PRKAR1A: variants seen among roughly 807,000 people sequenced by gnomAD.
PRKAR1A encodes protein kinase cAMP-dependent type I regulatory subunit alpha.
A neutral mutation model predicts 52.0 loss-of-function variants in PRKAR1A; 3 were observed. The ratio of observed to expected loss-of-function variants is 0.06; its 90% CI spans 0.03 to 0.15. The LOEUF (loss-of-function observed/expected upper bound fraction) is 0.15. Among genes scored for constraint, PRKAR1A ranks in the 10% least tolerant of loss-of-function variants. The pLI, the probability that PRKAR1A is intolerant of heterozygous loss-of-function variation, is 1.00. For missense variants in PRKAR1A, 240 were observed against 477.4 expected (o/e 0.50, Z 4.63); for synonymous variants, 188 against 168.4 (o/e 1.12, Z -0.90).
At chr17:68,489,886 G>T in the PRKAR1A span, among the ~76,000 whole-genome samples, 67,481 of 151,922 alleles carry the variant, frequency 0.44, 15,808 homozygotes, top group East Asian at 0.66. Flanking sequence ...AAAGAGGTGT[G>T]GGGTATTTAG....
At chr17:68,440,416 G>A in the PRKAR1A span, among the ~76,000 whole-genome samples, 1 of 152,186 alleles carries the variant, frequency 6.6e-6, no homozygotes. Flanking sequence ...GCCTTTTTAA[G>A]GAAGGATATG....
intron 11 of PRKAR1A, chr17:68,542,789 A>T: frequency 6.2e-7 from 1 of 1,614,070 alleles, no homozygotes; most frequent in Admixed American, 1.7e-5. Flanking sequence ...TGTTGGCGGC[A>T]CCCGTCGGAA....
At chr17:68,547,972 C>T (rs2086645748) in intron 11 of PRKAR1A, among the ~76,000 whole-genome samples, 1 of 152,206 alleles carries the variant, frequency 6.6e-6, no homozygotes, top group African/African-American at 2.4e-5. Flanking sequence ...CTCCTCCTTT[C>T]ATGTGAACAC....
chr17:68,452,791 C>T, the PRKAR1A span: 3 of 814,876 alleles, frequency 3.7e-6, no homozygotes, highest in East Asian at 5.2e-5. Context: ...ATCTTGACTC[C>T]CTAAGTTTGA....
chr17:68,465,625 A>ATTTTTTTT, the PRKAR1A span, among the ~76,000 whole-genome samples: 68 of 67,184 alleles, frequency 1.0e-3, 4 homozygotes, highest in East Asian at 0.01. Flanking sequence ...ACGCCCAGCA[A>ATTTTTTTT]TTTTTTTTTT....
chr17:68,420,101 T>G, the PRKAR1A span: 8 of 1,449,880 alleles, frequency 5.5e-6, no homozygotes, highest in Non-Finnish European at 5.6e-6. Flanking sequence ...TATGTTTGAA[T>G]TAATGTAGAA....
the PRKAR1A span, among the ~76,000 whole-genome samples, chr17:68,424,901 AC>A: frequency 1.3e-5 from 2 of 152,294 alleles, no homozygotes; most frequent in South Asian, 4.1e-4. Context: ...ACAAATCAGT[AC>A]TTCCATCTCG....
At chr17:68,457,957 G>A in the PRKAR1A span, among the ~76,000 whole-genome samples, 1 of 152,134 alleles carries the variant, frequency 6.6e-6, no homozygotes, top group African/African-American at 2.4e-5. Flanking sequence ...CGTCGGGGCC[G>A]CCGCAAGGGT....
chr17:68,524,350 C>T (rs533292820), intron 5 of PRKAR1A, among the ~76,000 whole-genome samples: 25 of 152,118 alleles, frequency 1.6e-4, no homozygotes, highest in Non-Finnish European at 3.4e-4. Context: ...TATAGAATTG[C>T]AGAATCATAT....
chr17:68,435,805 CCTT>C, the PRKAR1A span: 1 of 1,162,206 alleles, frequency 8.6e-7, no homozygotes, highest in African/African-American at 1.5e-5. Flanking sequence ...CTTTCTCCCT[CCTT>C]TGTCCAGCTC....
At chr17:68,432,628 T>C in the PRKAR1A span, among the ~76,000 whole-genome samples, 5 of 152,052 alleles carry the variant, frequency 3.3e-5, no homozygotes, top group Non-Finnish European at 5.9e-5. Flanking sequence ...CTGTTACGTA[T>C]GTGTTAGCAT....
At chr17:68,527,490 T>G in intron 7 of PRKAR1A, 1 of 268,326 alleles carries the variant, frequency 3.7e-6, no homozygotes, top group East Asian at 9.8e-5. Flanking sequence ...TGGACATTGG[T>G]TTAAAGTGTG....
chr17:68,427,127 C>T, the PRKAR1A span: 1 of 1,611,438 alleles, frequency 6.2e-7, no homozygotes, highest in Non-Finnish European at 8.5e-7. Context: ...GGCCCCGTGT[C>T]CACCCACCTG....
At chr17:68,507,269 C>T (rs902451293), upstream of PRKAR1A, among the ~76,000 whole-genome samples, 1 of 152,148 alleles carries the variant, frequency 6.6e-6, no homozygotes, top group Non-Finnish European at 1.5e-5. Context: ...CAATGATAGA[C>T]TGGATAAAGA....
At chr17:68,420,752 C>T in the PRKAR1A span, 1 of 420,892 alleles carries the variant, frequency 2.4e-6, no homozygotes, top group Admixed American at 4.1e-5. Flanking sequence ...AATTGTTTAA[C>T]CTAACCTGCA....
At position 68,532,236 on chromosome 17, in the gene PRKAR1A, A is replaced by G; in HGVS notation, c.*1787A>G. On this transcript the variant is annotated 3_prime_UTR_variant, in exon 11 of 11. Transcript: ENST00000589228. Reference sequence around the variant, plus strand: ...TAAAAATGAAAATTACGTTCTTACAAGCTTAAAGCTTGATTTGATCTTTGT... The same window carrying G: ...TAAAAATGAAAATTACGTTCTTACAGGCTTAAAGCTTGATTTGATCTTTGT... 4 of 1,037,292 alleles carry G rather than the reference A, an allele frequency of 3.9e-6. No homozygotes were observed. The highest frequency in any genetic ancestry group is 4.7e-6 in the Non-Finnish European group (4 of 853,692). 64.3% of individuals were successfully genotyped at this position (1,037,292 alleles called of 1,614,324 possible).
chr17:68,543,595 TA>T (rs755138625), intron 11 of PRKAR1A: 1 of 1,592,038 alleles, frequency 6.3e-7, no homozygotes, highest in Non-Finnish European at 8.6e-7. Flanking sequence ...TTGGTCCTTA[TA>T]GGCAATGCCA....
At chr17:68,424,026 G>T in the PRKAR1A span, among the ~76,000 whole-genome samples, 98 of 152,276 alleles carry the variant, frequency 6.4e-4, no homozygotes, top group African/African-American at 2.3e-3. Flanking sequence ...GAGTGCTCTG[G>T]ATCCTGGAAG....
At chr17:68,476,658 C>T in the PRKAR1A span, among the ~76,000 whole-genome samples, 1 of 150,844 alleles carries the variant, frequency 6.6e-6, no homozygotes, top group African/African-American at 2.4e-5. Flanking sequence ...ATCCCTCCCT[C>T]TCTCTCTCTC....
Sources: gnomAD v4.1 joint callset for allele counts (sites outside exome capture counted in the v4.1 genomes callset) on GRCh38, gnomAD v4.1.1 for gene constraint, MANE v1.5 for transcripts, NCBI Gene and HGNC (gene_info 2026-07-23, HGNC 2026-07-21) for gene names.